Variants in PLCB1 observed in about 807,000 individuals in gnomAD.
The protein encoded by PLCB1 is phospholipase C beta 1.
PLCB1 carries 46 observed loss-of-function variants against 161.8 expected under a neutral mutation model. The observed-to-expected ratio is 0.28, with a 90% confidence interval of 0.22 to 0.36. PLCB1 has a LOEUF of 0.36. Among genes scored for constraint, PLCB1 ranks in the 10% least tolerant of loss-of-function variants. The probability of loss-of-function intolerance (pLI) is 1.00; values close to 1 mark genes in which losing one functional copy is unlikely to be tolerated. For synonymous variants in PLCB1, 517 were observed against 503.7 expected (o/e 1.03, Z -0.35); for missense variants, 1,016 against 1,472.5 (o/e 0.69, Z 5.07).
At chr20:8,591,578 G>A (rs6108160) in intron 3 of PLCB1, among the ~76,000 whole-genome samples, 19,725 of 152,162 alleles carry the variant, frequency 0.13, 1,393 homozygotes, top group South Asian at 0.24. Flanking sequence ...CCAGCTGTGG[G>A]TACGGAGCAA....
chr20:8,756,627 T>C (rs1392800564), intron 23 of PLCB1, among the ~76,000 whole-genome samples: 1 of 152,074 alleles, frequency 6.6e-6, no homozygotes, highest in Admixed American at 6.6e-5. Flanking sequence ...ATGACTCAGC[T>C]CTCTTCCAGA....
chr20:8,408,824 C>G (rs1978903479), intron 3 of PLCB1, among the ~76,000 whole-genome samples: 1 of 152,148 alleles, frequency 6.6e-6, no homozygotes, highest in African/African-American at 2.4e-5. Context: ...CCTTTCTGCC[C>G]ACGCCACAAA....
At chr20:8,227,094 C>T (rs368890359) in intron 2 of PLCB1, among the ~76,000 whole-genome samples, 239 of 152,152 alleles carry the variant, frequency 1.6e-3, no homozygotes, top group African/African-American at 5.6e-3. Flanking sequence ...TTACATTCTC[C>T]TTGTCTTCTT....
intron 2 of PLCB1, among the ~76,000 whole-genome samples, chr20:8,313,265 C>T (rs1027860227): frequency 3.9e-5 from 6 of 152,286 alleles, no homozygotes; most frequent in African/African-American, 1.4e-4. Context: ...AGACTGGGCT[C>T]AGCTGGCAGT....
At chr20:8,320,776 G>C (rs1984873128) in intron 2 of PLCB1, among the ~76,000 whole-genome samples, 1 of 131,578 alleles carries the variant, frequency 7.6e-6, no homozygotes, top group African/African-American at 2.8e-5. Context: ...CAAAATACTT[G>C]TAATATTAGG....
chr20:8,609,153 AGCTATTGGAAATGAG>A (rs1293709082), intron 3 of PLCB1, among the ~76,000 whole-genome samples: 1 of 152,224 alleles, frequency 6.6e-6, no homozygotes, highest in African/African-American at 2.4e-5. Context: ...AAATAGTCTT[AGCTATTGGAAATGAG>A]GCTACAGATT....
At chr20:8,373,070 A>G (rs1054448816) in intron 3 of PLCB1, among the ~76,000 whole-genome samples, 8 of 152,220 alleles carry the variant, frequency 5.3e-5, no homozygotes, top group African/African-American at 1.9e-4. Context: ...ACAAATGAAC[A>G]GCAGTAGGGC....
intron 31 of PLCB1, among the ~76,000 whole-genome samples, chr20:8,820,644 G>T (rs1985297255): frequency 6.6e-6 from 1 of 152,092 alleles, no homozygotes; most frequent in Non-Finnish European, 1.5e-5. Flanking sequence ...ACTCCCTAGA[G>T]AAATTGTAGC....
chr20:8,190,148 A>G (rs907914350), intron 2 of PLCB1, among the ~76,000 whole-genome samples: 1 of 152,090 alleles, frequency 6.6e-6, no homozygotes, highest in African/African-American at 2.4e-5. Flanking sequence ...ACTAAATTCA[A>G]TGGCAGATGA....
chr20:8,562,066 G>A (rs189303659), intron 3 of PLCB1, among the ~76,000 whole-genome samples: 79 of 152,072 alleles, frequency 5.2e-4, no homozygotes, highest in Admixed American at 1.2e-3. Flanking sequence ...AACGGTCTTC[G>A]CTAAGTGAAC....
intron 31 of PLCB1, chr20:8,792,197 T>C (rs890067513): frequency 1.7e-5 from 3 of 173,960 alleles, no homozygotes; most frequent in Admixed American, 5.6e-5. Context: ...TAACCCTTTC[T>C]AGGATTGAGA....
chr20:8,505,826 G>C (rs1983616121), intron 3 of PLCB1, among the ~76,000 whole-genome samples: 1 of 152,174 alleles, frequency 6.6e-6, no homozygotes, highest in Non-Finnish European at 1.5e-5. Flanking sequence ...GCCTTTAAGA[G>C]AGTGAATGGG....
At chr20:8,810,021 A>G (rs184139405) in intron 31 of PLCB1, among the ~76,000 whole-genome samples, 15 of 152,282 alleles carry the variant, frequency 9.9e-5, no homozygotes, top group African/African-American at 3.6e-4. Context: ...TTCCTCTAAA[A>G]GTTTTATGTA....
intron 23 of PLCB1, among the ~76,000 whole-genome samples, chr20:8,744,786 T>A (rs1600293080): frequency 6.6e-6 from 1 of 152,032 alleles, no homozygotes; most frequent in East Asian, 1.9e-4. Flanking sequence ...CTGTAATGAC[T>A]AGGGGAAAAT....
At chr20:8,376,339 A>G (rs1600354752) in intron 3 of PLCB1, among the ~76,000 whole-genome samples, 1 of 152,244 alleles carries the variant, frequency 6.6e-6, no homozygotes, top group African/African-American at 2.4e-5. Context: ...TCTAGGTTGT[A>G]TGTAGTATCA....
chr20:8,852,830 A>T (rs1049236044), intron 31 of PLCB1, among the ~76,000 whole-genome samples: 1 of 152,256 alleles, frequency 6.6e-6, no homozygotes, highest in South Asian at 2.1e-4. Context: ...ACAGAAGCAC[A>T]GTATACCAGA....
intron 31 of PLCB1, chr20:8,880,839 CCT>C (rs1987944290): frequency 6.8e-6 from 1 of 146,486 alleles, no homozygotes; most frequent in Non-Finnish European, 1.5e-5. Context: ...TCTTTCTTTT[CCT>C]CTTTTTCTTT....
At chr20:8,176,201 A>G (rs1207021098) in intron 2 of PLCB1, among the ~76,000 whole-genome samples, 1 of 152,206 alleles carries the variant, frequency 6.6e-6, no homozygotes, top group Non-Finnish European at 1.5e-5. Context: ...ACAAATATTC[A>G]AAGCAGCTTT....
At chr20:8,862,589 A>G (rs17465513) in intron 31 of PLCB1, among the ~76,000 whole-genome samples, 20,176 of 152,252 alleles carry the variant, frequency 0.13, 1,576 homozygotes, top group South Asian at 0.23. Flanking sequence ...AGGTAGAACT[A>G]TTTAGACTCA....
Sources: gnomAD v4.1 joint callset for allele counts (sites outside exome capture counted in the v4.1 genomes callset) on GRCh38, gnomAD v4.1.1 for gene constraint, MANE v1.5 for transcripts, NCBI Gene and HGNC (gene_info 2026-07-23, HGNC 2026-07-21) for gene names.